The following EPRS1 variants were observed in gnomAD, a reference collection of about 807,000 sequenced individuals.
EPRS1 encodes the protein bifunctional glutamate/proline--tRNA ligase.
A neutral mutation model predicts 188.3 loss-of-function variants in EPRS1; 107 were observed. The ratio of observed to expected loss-of-function variants is 0.57; its 90% CI spans 0.49 to 0.67. The LOEUF (loss-of-function observed/expected upper bound fraction) is 0.67, where lower values mean the gene tolerates loss of function less well. EPRS1 is among the 30% of genes least tolerant of loss of function. The probability of loss-of-function intolerance (pLI) is 0.00; values close to 1 mark genes in which losing one functional copy is unlikely to be tolerated. For synonymous variants in EPRS1, 596 were observed against 593.1 expected (o/e 1.00, Z -0.07); for missense variants, 1,577 against 1,802.2 (o/e 0.88, Z 2.26).
chr1:220,001,798 G>T (rs1435309241), intron 16 of EPRS1, among the ~76,000 whole-genome samples: 1 of 152,180 alleles, frequency 6.6e-6, no homozygotes, highest in African/African-American at 2.4e-5. Context: ...AGAGGCCAAG[G>T]CGGGTGGATT....
Position 220,046,439 on chromosome 1 carries a change from C to T in EPRS1, c.-51G>A, listed in dbSNP as rs775969919. 6.2e-7 allele frequency: 1 copy of T among 1,610,100 alleles called. No homozygotes were observed. Among genetic ancestry groups the T allele is most frequent in the South Asian group, 1.1e-5 (1 of 90,580 alleles). On this transcript the variant is annotated 5_prime_UTR_variant, in exon 1 of 32. Transcript: ENST00000366923. ...TCAGTACGCCTGGCTCGTGCCAGAA[C>T]TACGGAGGACCCCGCGAAAGGAAGA...
chr1:220,007,068 T>C (rs1661502904), intron 14 of EPRS1, 134 bp downstream of exon 14: 1 of 627,868 alleles, frequency 1.6e-6, no homozygotes, highest in Admixed American at 3.8e-5. Context: ...TGTCCAGAAT[T>C]TGCAGTAGCT....
intron 2 of EPRS1, among the ~76,000 whole-genome samples, chr1:220,035,814 C>CA (rs949625602): frequency 9.3e-5 from 14 of 150,876 alleles, no homozygotes; most frequent in Admixed American, 4.6e-4. Context: ...GACCCTGTCT[C>CA]AAAAAAAATA....
chr1:220,005,279 A>C lies in EPRS1; in HGVS notation c.2032T>G (p.Phe678Val). 6.3e-7 allele frequency: 1 copy of C among 1,587,346 alleles called. No homozygotes were observed. Among genetic ancestry groups the C allele is most frequent in the Non-Finnish European group, 8.6e-7 (1 of 1,163,600 alleles). Residue 678 changes from phenylalanine to valine, a missense_variant, in exon 16 of 32, where the codon TTC becomes GTC. Physicochemically the swap from Phe to Val is conservative, Grantham distance 50. This residue lies in a region of EPRS1 where 1,278 missense variants were observed against 1,457.4 expected (regional missense o/e 0.88). Coordinates refer to ENST00000366923, the MANE Select transcript of EPRS1 (RefSeq NM_004446.3). Reference sequence around the variant, plus strand: ...GGTTCATAAGGTTGATCACATATGAAGAATCCTCTTCTCTGGAGTTGTATA... The same window carrying C: ...GGTTCATAAGGTTGATCACATATGACGAATCCTCTTCTCTGGAGTTGTATA... ...DIIQLQRRGF[F>V]ICDQPYEPVS...
intron 12 of EPRS1, among the ~76,000 whole-genome samples, chr1:220,013,602 A>G (rs930666607): frequency 4.6e-5 from 7 of 152,120 alleles, no homozygotes; most frequent in Non-Finnish European, 7.4e-5. Context: ...TTACTTCACA[A>G]CTCCACGGCG....
chr1:219,982,102 T>C (rs1209335137), intron 23 of EPRS1, among the ~76,000 whole-genome samples: 1 of 152,168 alleles, frequency 6.6e-6, no homozygotes, highest in Non-Finnish European at 1.5e-5. Flanking sequence ...ATCACAATAT[T>C]AATAATGTAT....
chr1:219,983,893 C>CAAA (rs397863625), intron 21 of EPRS1, among the ~76,000 whole-genome samples: 3 of 118,244 alleles, frequency 2.5e-5, no homozygotes, highest in Non-Finnish European at 1.8e-5. Flanking sequence ...ACTCCCGTCT[C>CAAA]AAAAAAAAAA....
At chr1:219,992,520 T>C (rs971495850) in intron 18 of EPRS1, among the ~76,000 whole-genome samples, 1 of 152,256 alleles carries the variant, frequency 6.6e-6, no homozygotes, top group African/African-American at 2.4e-5. Flanking sequence ...AAGGGCTATA[T>C]AATAAATATT....
intron 19 of EPRS1, 81 bp downstream of exon 19, chr1:219,988,509 A>G: frequency 1.1e-6 from 1 of 881,712 alleles, no homozygotes; most frequent in Non-Finnish European, 1.8e-6. Flanking sequence ...GCCAGATTTG[A>G]TGGGGCACAA....
At chr1:219,977,085 C>G (rs538433285) in intron 28 of EPRS1, among the ~76,000 whole-genome samples, 2 of 152,048 alleles carry the variant, frequency 1.3e-5, no homozygotes, top group African/African-American at 4.8e-5. Flanking sequence ...GCGTACACAT[C>G]GCTCACACAC....
At chr1:220,027,682 C>T (rs1662007241) in intron 6 of EPRS1, among the ~76,000 whole-genome samples, 1 of 148,788 alleles carries the variant, frequency 6.7e-6, no homozygotes, top group South Asian at 2.1e-4. Context: ...AAACTTTATA[C>T]ATATAATAAA....
chr1:220,023,973 G>GA (rs1030067201), intron 8 of EPRS1, among the ~76,000 whole-genome samples: 22 of 152,238 alleles, frequency 1.4e-4, no homozygotes, highest in Admixed American at 1.4e-3. Flanking sequence ...CCAATATGGT[G>GA]AAACCCCGTC....
intron 27 of EPRS1, among the ~76,000 whole-genome samples, chr1:219,978,980 C>T (rs1192503362): frequency 3.3e-5 from 5 of 151,514 alleles, no homozygotes; most frequent in African/African-American, 9.7e-5. Context: ...TTTTCCCCCC[C>T]AGCCTCCCAA....
intron 3 of EPRS1, among the ~76,000 whole-genome samples, chr1:220,034,623 C>T (rs1446202298): frequency 6.6e-6 from 1 of 152,168 alleles, no homozygotes; most frequent in African/African-American, 2.4e-5. Flanking sequence ...ATGATCTATA[C>T]AGCCCCATCT....
chr1:220,007,741 T>A (rs930395692), intron 13 of EPRS1, among the ~76,000 whole-genome samples: 3 of 152,208 alleles, frequency 2.0e-5, no homozygotes, highest in African/African-American at 4.8e-5. Flanking sequence ...TTAGTATCTC[T>A]TCAACTAGAA....
chr1:220,003,568 A>AT (rs1213188898), intron 16 of EPRS1, among the ~76,000 whole-genome samples: 3 of 152,140 alleles, frequency 2.0e-5, no homozygotes, highest in Non-Finnish European at 4.4e-5. Context: ...TGTTGAGTTA[A>AT]TTTTTGTATA....
chr1:219,981,719 A>AT (rs1160624404), intron 23 of EPRS1, among the ~76,000 whole-genome samples: 4 of 152,238 alleles, frequency 2.6e-5, no homozygotes, highest in Non-Finnish European at 5.9e-5. Context: ...CATTCTTCAC[A>AT]TAACAGTTAA....
Position 220,006,283 on chromosome 1 carries a change from A to T in EPRS1, c.1773T>A (p.Asp591Glu). ...KNADGKIISL[D>E]AKLNLENKDY... ...CTTTGTTTTCCAAATTCAACTTTGC[A>T]TCAAGAGATATGATTTTTCCATCTG... Residue 591 changes from aspartate (D) to glutamate (E), a missense_variant, in exon 15 of 32, where the codon GAT (aspartate) becomes GAA (glutamate). Physicochemically the swap from Asp to Glu is conservative, Grantham distance 45 (BLOSUM62 2). This residue lies in a region of EPRS1 where 1,278 missense variants were observed against 1,457.4 expected (regional missense o/e 0.88). Coordinates refer to ENST00000366923, the MANE Select transcript of EPRS1 (RefSeq NM_004446.3). 6 of 1,577,548 alleles carry T rather than the reference A, an allele frequency of 3.8e-6. No homozygotes were observed. The highest frequency in any genetic ancestry group is 5.2e-6 in the Non-Finnish European group (6 of 1,159,466).
At position 220,024,361 on chromosome 1, in the gene EPRS1, C is replaced by G; in HGVS notation, c.846G>C (p.Lys282Asn). 1 of 1,612,810 alleles carries G rather than the reference C, an allele frequency of 6.2e-7. No homozygotes were observed. Among genetic ancestry groups the G allele is most frequent in the Middle Eastern group, 1.7e-4 (1 of 6,060 alleles). The change falls in exon 8 of 32, where the codon AAG becomes AAC. Residue 282 changes from lysine to asparagine, a missense_variant. Lys to Asn is a moderately conservative substitution (Grantham distance 94). Coordinates refer to ENST00000366923, the MANE Select transcript of EPRS1 (RefSeq NM_004446.3). ...HFETIMKYAE[K>N]LIQEGKAYVD... ...CATAAGCCTTCCCTTCTTGAATTAG[C>G]TTCTCTGCATACTTCATTATAGTTT...
Sources: gnomAD v4.1 joint callset for allele counts (sites outside exome capture counted in the v4.1 genomes callset) on GRCh38, gnomAD v4.1.1 for gene constraint, gnomAD v4.1.1 regional missense constraint, MANE v1.5 for transcripts, NCBI Gene and HGNC (gene_info 2026-07-23, HGNC 2026-07-21) for gene names.